The following HIVEP3 variants were observed in gnomAD, a reference collection of about 807,000 sequenced individuals.
The protein encoded by HIVEP3 is transcription factor HIVEP3.
In HIVEP3, 49 loss-of-function variants were observed where a neutral mutation model predicts 152.8. The ratio of observed to expected loss-of-function variants is 0.32; its 90% confidence interval spans 0.26 to 0.41. The LOEUF is 0.41. Among genes scored for constraint, HIVEP3 ranks in the 10% least tolerant of loss-of-function variants. The pLI, the probability that HIVEP3 is intolerant of heterozygous loss-of-function variation, is 1.00. For missense variants in HIVEP3, 2,790 were observed against 3,103.3 expected, an observed-to-expected ratio of 0.90 and a Z score of 2.40; for synonymous variants, 1,269 against 1,289.0, an observed-to-expected ratio of 0.98 and a Z score of 0.33.
Position 41,506,604 on chromosome 1 carries a change from GT to G in HIVEP3, c.*3846del, listed in dbSNP as rs61575744. On this transcript the variant is annotated 3_prime_UTR_variant, in exon 9 of 9. Transcript: ENST00000372583. ...GCGTGGATTTTTGTTTTTTTTTTTT[GT>G]TTGTTTCTGTTTTGTTTTTTCTTTT... 4 of 54,686 alleles carry G rather than the reference GT, an allele frequency of 7.3e-5. No individual in the cohort carries two copies. In the South Asian group the frequency reaches 2.2e-3, roughly 31 times the overall value. 3.4% of individuals were successfully genotyped at this position (54,686 alleles called of 1,614,324 possible).
chr1:41,972,745 G>T (rs1445806788), intron 1 of HIVEP3, among the ~76,000 whole-genome samples: 1 of 152,140 alleles, frequency 6.6e-6, no homozygotes, highest in Non-Finnish European at 1.5e-5. Flanking sequence ...CAAGCATTCT[G>T]GTTCTTGACA....
intron 1 of HIVEP3, among the ~76,000 whole-genome samples, chr1:41,856,870 C>T (rs2124392025): frequency 6.6e-6 from 1 of 152,206 alleles, no homozygotes; most frequent in South Asian, 2.1e-4. Context: ...GTGTGGGATG[C>T]CTGGGGTTGC....
chr1:41,536,960 C>G (rs897883706), intron 5 of HIVEP3, among the ~76,000 whole-genome samples: 5 of 152,172 alleles, frequency 3.3e-5, no homozygotes, highest in Admixed American at 2.0e-4. Flanking sequence ...CTGTGCAATT[C>G]TGTTTTTTAA....
Position 41,508,527 on chromosome 1 carries a change from T to G in HIVEP3, c.*1924A>C, listed in dbSNP as rs1242885621. On this transcript the variant is annotated 3_prime_UTR_variant, in exon 9 of 9. Transcript: ENST00000372583. Reference sequence around the variant, plus strand: ...CCCAGAACCCTGGAGCACAGTGGACTCCCAGGGAGCCCTGCCTTCTGTCTC... The same window carrying G: ...CCCAGAACCCTGGAGCACAGTGGACGCCCAGGGAGCCCTGCCTTCTGTCTC... 6.6e-6 allele frequency: 1 copy of G among 152,176 alleles called. No individual in the cohort carries two copies. Among genetic ancestry groups the G allele is most frequent in the East Asian group, 1.9e-4 (1 of 5,188 alleles). 9.4% of individuals were successfully genotyped at this position (152,176 alleles called of 1,614,324 possible).
chr1:41,588,668 C>T (rs1454900916), intron 3 of HIVEP3, among the ~76,000 whole-genome samples: 1 of 152,130 alleles, frequency 6.6e-6, no homozygotes, highest in African/African-American at 2.4e-5. Flanking sequence ...AGGCCTCCTA[C>T]CCACACTTCT....
chr1:41,805,250 T>C (rs921269081), intron 1 of HIVEP3, among the ~76,000 whole-genome samples: 1 of 152,166 alleles, frequency 6.6e-6, no homozygotes, highest in East Asian at 1.9e-4. Context: ...GGCAGGAGAA[T>C]TGCTTGAACC....
intron 1 of HIVEP3, among the ~76,000 whole-genome samples, chr1:41,745,844 C>A (rs944968807): frequency 6.6e-6 from 1 of 152,216 alleles, no homozygotes; most frequent in Non-Finnish European, 1.5e-5. Context: ...AAAGCAGATG[C>A]GGCTGTTTCA....
chr1:41,622,349 C>T (rs984324905), intron 3 of HIVEP3, among the ~76,000 whole-genome samples: 4 of 151,966 alleles, frequency 2.6e-5, no homozygotes, highest in Admixed American at 6.6e-5. Flanking sequence ...GAGCAGCACA[C>T]GCAAAGGATT....
chr1:41,797,797 G>A (rs542590676), intron 1 of HIVEP3, among the ~76,000 whole-genome samples: 28 of 152,190 alleles, frequency 1.8e-4, no homozygotes, highest in South Asian at 2.1e-4. Context: ...GACCATCCTG[G>A]CCAACATGGT....
At chr1:41,745,892 A>T (rs559837503) in intron 1 of HIVEP3, among the ~76,000 whole-genome samples, 19 of 152,344 alleles carry the variant, frequency 1.2e-4, no homozygotes, top group African/African-American at 4.6e-4. Flanking sequence ...CTGTCAGTGA[A>T]TCCTAGCAGA....
rs145128911 is a variant in HIVEP3 at position 41,512,872 on chromosome 1, C to T, written c.6349G>A (p.Ala2117Thr). 65 of 1,552,972 alleles carry T rather than the reference C, an allele frequency of 4.2e-5. No individual in the cohort carries two copies. Among genetic ancestry groups the T allele is most frequent in the East Asian group, 4.1e-4 (17 of 41,628 alleles). The part of the protein sequence containing the change: ...GLDPRVLFPP[A>T]PLPHKLLSRS... ...CTGAGGAGCTTGTGAGGTAGAGGCG[C>T]GGGCGGGAAGAGAACCCGTGGGTCC... is the stretch of plus-strand genomic sequence containing the variant. The change falls in exon 8 of 9, where the codon GCG (alanine) becomes ACG (threonine). Residue 2117 changes from alanine to threonine, a missense_variant. Physicochemically the swap from Ala to Thr is moderately conservative, Grantham distance 58. Coordinates refer to ENST00000372583, the MANE Select transcript of HIVEP3 (RefSeq NM_024503.5).
chr1:41,738,195 C>T lies in HIVEP3; in HGVS notation c.-800-37200G>A, dbSNP rs74071317. On this transcript the variant is annotated intron_variant, in intron 1 of 8. Transcript: ENST00000372583. ...GGCCTTGGCCTCTAGGAAGGACGAG[C>T]GGGAAGCAGCGTCCCCAGAGACATA... Among the ~76,000 whole-genome samples the T allele has an allele frequency of 9.8e-3, 1,487 of 152,304 alleles. 18 individuals are homozygous for T. Among genetic ancestry groups the T allele is most frequent in the African/African-American group, 0.033 (1,383 of 41,562 alleles).
chr1:41,581,781 G>T lies in HIVEP3; in HGVS notation c.3017C>A (p.Thr1006Asn). 4 of 1,590,416 alleles carry T rather than the reference G, an allele frequency of 2.5e-6. No homozygotes were observed. The highest frequency in any genetic ancestry group is 3.4e-6 in the Non-Finnish European group (4 of 1,168,154). ...SPNVSHSAHM[T>N]ETRSKSFDYG... ...GTCAAAGGATTTGCTGCGTGTCTCG[G>T]TCATGTGGGCAGAATGGGAAACGTT... Residue 1006 changes from threonine (T) to asparagine (N), a missense_variant, in exon 4 of 9, where the codon ACC (threonine) becomes AAC (asparagine). Coordinates refer to ENST00000372583, the MANE Select transcript of HIVEP3 (RefSeq NM_024503.5). This position sits in a 1 kb window ranked among gnomAD's most constrained non-coding sequence, Gnocchi z 4.5.
Position 41,990,557 on chromosome 1 carries a change from C to A in HIVEP3, n.119+45250G>T, listed in dbSNP as rs552590055. ...ACTCCCACACATTAATAATGGGAGA[C>A]TTTAACACCCCACTGTCAACATTAG... On this transcript the variant is annotated intron_variant and non_coding_transcript_variant, in intron 1 of 3. Coordinates refer to the HIVEP3 transcript ENST00000489103. 4.0e-3 allele frequency among the ~76,000 whole-genome samples: 573 copies of A among 142,316 alleles called. 2 individuals are homozygous for A. Among genetic ancestry groups the A allele is most frequent in the Middle Eastern group, 0.014 (4 of 286 alleles). 93.4% of individuals were successfully genotyped at this position (142,316 alleles called of 152,430 possible). A position where few individuals can be genotyped will look rare whatever the true frequency, so the allele number is the denominator to read the frequency against.
At chr1:41,779,139 T>A (rs1041552283) in intron 1 of HIVEP3, among the ~76,000 whole-genome samples, 1 of 152,198 alleles carries the variant, frequency 6.6e-6, no homozygotes, top group Non-Finnish European at 1.5e-5. Context: ...CCTGCCTGGA[T>A]CACTTGCCTT....
chr1:41,635,730 C>G (rs533521474), intron 2 of HIVEP3, among the ~76,000 whole-genome samples: 3 of 151,990 alleles, frequency 2.0e-5, no homozygotes, highest in African/African-American at 7.2e-5. Flanking sequence ...GGTGGCAAAT[C>G]TGACTAGCAG....
At chr1:41,879,934 G>A (rs1347312859) in intron 1 of HIVEP3, among the ~76,000 whole-genome samples, 1 of 152,196 alleles carries the variant, frequency 6.6e-6, no homozygotes, top group Non-Finnish European at 1.5e-5. Flanking sequence ...ATGGTCTTAA[G>A]TGCTTTATAG....
intron 1 of HIVEP3, among the ~76,000 whole-genome samples, chr1:41,913,795 T>C (rs1644831501): frequency 6.6e-6 from 1 of 152,224 alleles, no homozygotes; most frequent in South Asian, 2.1e-4. Flanking sequence ...CGGAGGAGCA[T>C]ATCGTGTGTT....
At chr1:41,735,012 C>T (rs1486747370) in intron 1 of HIVEP3, among the ~76,000 whole-genome samples, 1 of 152,192 alleles carries the variant, frequency 6.6e-6, no homozygotes, top group African/African-American at 2.4e-5. Context: ...TAGTGCCCCA[C>T]CAACATGCTC....
Sources: allele counts gnomAD v4.1 joint callset (sites outside exome capture counted in the v4.1 genomes callset), GRCh38; gene constraint gnomAD v4.1.1; non-coding constraint Gnocchi (gnomAD v3.1); transcripts MANE v1.5; gene names NCBI Gene and HGNC (gene_info 2026-07-23, HGNC 2026-07-21).